Variants in DNAJC1 observed in about 807,000 individuals in gnomAD.
DNAJC1 encodes dnaJ homolog subfamily C member 1.
Under a neutral mutation model 76.6 loss-of-function variants are expected in DNAJC1, and 58 were observed. That is an observed-to-expected ratio of 0.76 (90% CI 0.61 to 0.94). DNAJC1 has a LOEUF of 0.94. Ranked by LOEUF, DNAJC1 falls within the 40% of genes least tolerant of loss-of-function variation. DNAJC1 has a pLI of 0.00. For synonymous variants in DNAJC1, 258 were observed against 267.9 expected, an observed-to-expected ratio of 0.96 and a Z score of 0.36; for missense variants, 689 against 677.3, an observed-to-expected ratio of 1.02 and a Z score of -0.19.
At chr10:21,760,490 G>A (rs1440434177) in intron 10 of DNAJC1, among the ~76,000 whole-genome samples, 1 of 152,138 alleles carries the variant, frequency 6.6e-6, no homozygotes, top group East Asian at 1.9e-4. Context: ...TATTAAATTG[G>A]CAAAGATTAG....
At chr10:21,850,805 G>A (rs983972408) in intron 8 of DNAJC1, among the ~76,000 whole-genome samples, 5 of 152,032 alleles carry the variant, frequency 3.3e-5, no homozygotes, top group Non-Finnish European at 5.9e-5. Context: ...AAATATTGTG[G>A]TACTGGCATG....
At position 21,797,640 on chromosome 10, in the gene DNAJC1, T is replaced by C. The variant is rs113291101; in HGVS notation, c.1098+8340A>G. Reference sequence around the variant, plus strand: ...TTAGCTCAGGAGGCCTCTGTCCTCATGAATGGGTTAATGACCTTATGGCGG... The same window carrying C: ...TTAGCTCAGGAGGCCTCTGTCCTCACGAATGGGTTAATGACCTTATGGCGG... On this transcript the variant is annotated intron_variant, in intron 9 of 11. Transcript: ENST00000376980. Among the ~76,000 whole-genome samples the C allele has an allele frequency of 2.1e-4, 32 of 152,312 alleles. 1 individual carries two copies. The highest frequency in any genetic ancestry group is 6.3e-4 in the African/African-American group (26 of 41,582).
intron 6 of DNAJC1, among the ~76,000 whole-genome samples, chr10:21,908,032 T>A (rs544362104): frequency 2.9e-5 from 1 of 33,980 alleles, no homozygotes; most frequent in Non-Finnish European, 4.3e-5. Context: ...TATAAATATA[T>A]AATATAATAT....
chr10:21,795,622 G>A (rs1036957698), intron 9 of DNAJC1, among the ~76,000 whole-genome samples: 2 of 152,128 alleles, frequency 1.3e-5, no homozygotes, highest in Non-Finnish European at 2.9e-5. Context: ...GGATTGTGGC[G>A]ATTTCACAAC....
chr10:21,861,964 G>A lies in DNAJC1; in HGVS notation c.978+20318C>T, dbSNP rs185062060. Among the ~76,000 whole-genome samples the A allele has an allele frequency of 2.6e-5, 4 of 151,688 alleles. No homozygotes were observed. In the East Asian group the frequency reaches 7.7e-4, roughly 29 times the overall value. On this transcript the variant is annotated intron_variant, in intron 8 of 11. Coordinates refer to ENST00000376980, the MANE Select transcript of DNAJC1 (RefSeq NM_022365.4). ...ATGGAGTTTCCCTCTTGTTGCCCAG[G>A]CTAGAGTGCAATGGCGCAATCTTGG...
At chr10:21,902,949 CAG>C (rs1836682798) in intron 7 of DNAJC1, among the ~76,000 whole-genome samples, 2 of 151,758 alleles carry the variant, frequency 1.3e-5, no homozygotes, top group Non-Finnish European at 2.9e-5. Context: ...TTTTTTGAGA[CAG>C]AGTTTCACTC....
chr10:21,887,395 A>G (rs1836383355), intron 7 of DNAJC1, among the ~76,000 whole-genome samples: 1 of 152,114 alleles, frequency 6.6e-6, no homozygotes, highest in Admixed American at 6.6e-5. Context: ...CTATTTTAAA[A>G]TTCATATGAA....
At chr10:21,868,832 C>T (rs1401524056) in intron 8 of DNAJC1, among the ~76,000 whole-genome samples, 1 of 151,908 alleles carries the variant, frequency 6.6e-6, no homozygotes, top group Non-Finnish European at 1.5e-5. Context: ...TTAGATATGC[C>T]TCATTATACC....
intron 1 of DNAJC1, among the ~76,000 whole-genome samples, chr10:21,971,686 A>G (rs2131828793): frequency 6.6e-6 from 1 of 152,064 alleles, no homozygotes; most frequent in South Asian, 2.1e-4. Flanking sequence ...CTGAAATGAG[A>G]AGTTTGACAT....
At chr10:21,997,725 T>C (rs2131852903) in intron 1 of DNAJC1, among the ~76,000 whole-genome samples, 1 of 152,286 alleles carries the variant, frequency 6.6e-6, no homozygotes, top group East Asian at 1.9e-4. Context: ...CCGAATGAGC[T>C]TAAAAGGTTT....
chr10:21,979,517 G>A (rs1406689132), intron 1 of DNAJC1, among the ~76,000 whole-genome samples: 3 of 151,920 alleles, frequency 2.0e-5, no homozygotes, highest in South Asian at 2.1e-4. Context: ...GATTTTGAAC[G>A]CTGTACCTCA....
chr10:21,805,180 T>C (rs1439633708), intron 9 of DNAJC1, among the ~76,000 whole-genome samples: 3 of 152,096 alleles, frequency 2.0e-5, no homozygotes, highest in Admixed American at 6.6e-5. Flanking sequence ...CTAAGTATTT[T>C]TGGATCTATA....
chr10:21,805,161 A>G (rs970016599), intron 9 of DNAJC1, among the ~76,000 whole-genome samples: 7 of 152,146 alleles, frequency 4.6e-5, no homozygotes, highest in African/African-American at 1.4e-4. Flanking sequence ...CTTTGCTTTC[A>G]GTAACCCTCT....
At chr10:21,843,579 G>A (rs2487511) in intron 8 of DNAJC1, among the ~76,000 whole-genome samples, 1 of 151,722 alleles carries the variant, frequency 6.6e-6, no homozygotes, top group Admixed American at 6.6e-5. Flanking sequence ...ATTTTTAGTA[G>A]AGACCAGGTT....
chr10:21,906,790 AG>A (rs967498558), intron 6 of DNAJC1, among the ~76,000 whole-genome samples: 1 of 152,190 alleles, frequency 6.6e-6, no homozygotes, highest in African/African-American at 2.4e-5. Context: ...CCTAACTTAT[AG>A]GACTGTTATG....
chr10:21,999,451 C>CTTTTTT lies in DNAJC1; in HGVS notation c.222+3756_222+3761dup, dbSNP rs140026558. Reference sequence around the variant, plus strand: ...TTGATTCCCCTCCATCTTCTTGACTCTTTTTTTTTTTTTTTTTTTTTTGAG... The same window carrying CTTTTTT: ...TTGATTCCCCTCCATCTTCTTGACTCTTTTTTTTTTTTTTTTTTTTTTTTTTTTGAG... On this transcript the variant is annotated intron_variant, in intron 1 of 11. Coordinates refer to ENST00000376980, the MANE Select transcript of DNAJC1 (RefSeq NM_022365.4). Among the ~76,000 whole-genome samples, 38 of 94,012 alleles carry CTTTTTT rather than the reference C, an allele frequency of 4.0e-4. 3 individuals are homozygous for CTTTTTT. Among genetic ancestry groups the CTTTTTT allele is most frequent in the Non-Finnish European group, 4.8e-4 (25 of 51,786 alleles). 61.7% of individuals were successfully genotyped at this position (94,012 alleles called of 152,430 possible).
At chr10:21,858,041 G>T (rs543618226) in intron 8 of DNAJC1, among the ~76,000 whole-genome samples, 1 of 152,110 alleles carries the variant, frequency 6.6e-6, no homozygotes, top group African/African-American at 2.4e-5. Flanking sequence ...CTAATTAAAA[G>T]TATTGGTATT....
intron 1 of DNAJC1, among the ~76,000 whole-genome samples, chr10:21,929,376 A>G (rs1837183709): frequency 6.6e-6 from 1 of 152,228 alleles, no homozygotes; most frequent in South Asian, 2.1e-4. Flanking sequence ...ACAGTCATTT[A>G]AAGAAGACAG....
chr10:21,860,481 A>G (rs2807980), intron 8 of DNAJC1, among the ~76,000 whole-genome samples: 100,018 of 151,778 alleles, frequency 0.66, 33,387 homozygotes, highest in East Asian at 0.95. Flanking sequence ...TCGTGAGGTC[A>G]GGAGTTCGAG....
Sources: gnomAD v4.1 joint callset for allele counts (sites outside exome capture counted in the v4.1 genomes callset) on GRCh38, gnomAD v4.1.1 for gene constraint, MANE v1.5 for transcripts, NCBI Gene and HGNC (gene_info 2026-07-23, HGNC 2026-07-21) for gene names.